DDX24: variants seen among roughly 807,000 people sequenced by gnomAD.
The protein encoded by DDX24 is DEAD-box helicase 24.
A neutral mutation model predicts 68.9 loss-of-function variants in DDX24; 24 were observed. The observed-to-expected ratio is 0.35, with a 90% CI of 0.25 to 0.49. DDX24 has a LOEUF of 0.49. DDX24 is among the 20% of genes least tolerant of loss of function. DDX24 has a pLI of 0.99. For synonymous variants in DDX24, 395 were observed against 385.2 expected (o/e 1.03, Z -0.30); for missense variants, 989 against 1,039.0 (o/e 0.95, Z 0.66).
chr14:94,058,236 C>T lies in DDX24; in HGVS notation c.1914-339G>A, dbSNP rs1885526623. The stretch of plus-strand genomic sequence containing the variant: ...CTCCTAGCACCCTCTCATTTACTTC[C>T]TCCCAGTGGCACACAGACTTCCTTG... On this transcript the variant is annotated intron_variant, in intron 5 of 8. Coordinates refer to ENST00000621632, the MANE Select transcript of DDX24 (RefSeq NM_020414.4). Among the ~76,000 whole-genome samples the T allele has an allele frequency of 3.9e-5, 6 of 152,178 alleles. No individual in the cohort carries two copies. The South Asian group carries it at 1.2e-3, about 32-fold the overall frequency.
Position 94,060,304 on chromosome 14 carries a change from A to G in DDX24, c.1707T>C (p.His569=), listed in dbSNP as rs776800005. 3.7e-6 allele frequency: 6 copies of G among 1,614,206 alleles called. No homozygotes were observed. Among genetic ancestry groups the G allele is most frequent in the South Asian group, 2.2e-5 (2 of 91,078 alleles). The change falls in exon 5 of 9, where the codon CAT becomes CAC. Residue 569 remains histidine (H), a synonymous_variant. Coordinates refer to ENST00000621632, the MANE Select transcript of DDX24 (RefSeq NM_020414.4). The part of the protein sequence containing the change: ...TVETLTETKI[H]CETDEKDFYL... ...AGAAGTCTTTCTCATCAGTCTCACA[A>G]TGGATCTTGGTCTCTGTTAGCGTCT...
At chr14:94,075,241 TG>T (rs1246779360) in intron 2 of DDX24, among the ~76,000 whole-genome samples, 2 of 152,152 alleles carry the variant, frequency 1.3e-5, no homozygotes, top group Non-Finnish European at 2.9e-5. Context: ...TCATACTACC[TG>T]ATTTTAAGAC....
Position 94,079,079 on chromosome 14 carries a change from T to G in DDX24, c.664A>C (p.Thr222Pro), listed in dbSNP as rs746232014. The G allele has an allele frequency of 6.2e-7, 1 of 1,614,028 alleles. No homozygotes were observed. Among genetic ancestry groups the G allele is most frequent in the Admixed American group, 1.7e-5 (1 of 59,996 alleles). The change falls in exon 2 of 9, where the codon ACC becomes CCC. Residue 222 changes from threonine to proline, a missense_variant. By Grantham distance (38) the Thr-to-Pro change is conservative. This residue lies in a region of DDX24 where 295 missense variants were observed against 263.0 expected (regional missense o/e 1.12). Transcript: ENST00000621632. ...FSAPTPIQAL[T>P]LAPAIRDKLD... The stretch of plus-strand genomic sequence containing the variant: ...TTGTCACGGATGGCAGGTGCCAAGG[T>G]CAGGGCTTGGATTGGTGTGGGTGCA...
Position 94,060,140 on chromosome 14 carries a change from T to A in DDX24, c.1871A>T (p.Lys624Met), listed in dbSNP as rs774901463. ...PLTLHACMHQ[K>M]QRLRNLEQFA... ...CTGCTCCAGGTTTCTGAGCCTCTGC[T>A]TCTGGTGCATACAGGCATGCAGGGT... The change falls in exon 5 of 9, where the codon AAG becomes ATG. Residue 624 changes from lysine to methionine, a missense_variant. Physicochemically the swap from Lys to Met is moderately conservative, Grantham distance 95. Transcript: ENST00000621632. 74 of 1,613,956 alleles carry A rather than the reference T, an allele frequency of 4.6e-5. No individual in the cohort carries two copies. Among genetic ancestry groups the A allele is most frequent in the Non-Finnish European group, 6.1e-5 (72 of 1,179,816 alleles).
chr14:94,075,788 C>A (rs1276705141), intron 2 of DDX24, among the ~76,000 whole-genome samples: 5 of 152,144 alleles, frequency 3.3e-5, no homozygotes, highest in Admixed American at 3.3e-4. Flanking sequence ...CTAGAATACA[C>A]AATGAACTCC....
At chr14:94,062,022 A>G (rs1036230180) in intron 3 of DDX24, 75 bp downstream of exon 3, 1 of 1,466,652 alleles carries the variant, frequency 6.8e-7, no homozygotes, top group African/African-American at 1.4e-5. Flanking sequence ...GGCAGGAGCC[A>G]CAGCTCATTC....
At chr14:94,052,736 C>T (rs1885410459) in intron 8 of DDX24, among the ~76,000 whole-genome samples, 1 of 152,140 alleles carries the variant, frequency 6.6e-6, no homozygotes, top group Admixed American at 6.5e-5. Context: ...GGCAGCCTGG[C>T]CAGAGAGCCT....
chr14:94,068,161 G>A (rs1422527182), intron 2 of DDX24, among the ~76,000 whole-genome samples: 3 of 152,110 alleles, frequency 2.0e-5, no homozygotes, highest in Non-Finnish European at 2.9e-5. Context: ...GTAAAGGGGT[G>A]GAAAAAGGCA....
At chr14:94,073,084 TTC>T (rs1348101175) in intron 2 of DDX24, among the ~76,000 whole-genome samples, 8 of 130,508 alleles carry the variant, frequency 6.1e-5, no homozygotes, top group African/African-American at 1.4e-4. Context: ...TAATTTTCTT[TTC>T]TTTTTTTTTT....
rs148489393 is a variant in DDX24, at chr14:94,079,258, C to A, written c.485G>T (p.Gly162Val). ...PKKKKNKGKK[G>V]LEPSQSTAAK... is the part of the protein sequence containing the mutation. ...AGCAGTGCTCTGAGAAGGCTCCAAC[C>A]CTTTTTTCCCTTTATTTTTCTTCTT... Residue 162 changes from glycine (G) to valine (V), a missense_variant, in exon 2 of 9, where the codon GGG (glycine) becomes GTG (valine). Gly to Val is a moderately radical substitution (Grantham distance 109). Coordinates refer to ENST00000621632, the MANE Select transcript of DDX24 (RefSeq NM_020414.4). 1.4e-5 allele frequency: 22 copies of A among 1,614,144 alleles called. No individual in the cohort carries two copies. Among genetic ancestry groups the A allele is most frequent in the Non-Finnish European group, 1.8e-5 (21 of 1,180,018 alleles).
chr14:94,051,196 T>C lies in DDX24; in HGVS notation c.2575A>G (p.Asn859Asp), dbSNP rs752092620. ...TCACTGACACACTTGACCAGTTAAT[T>C]TGCACTTGTACTTGGCTGTGGCTGT... ...PEQPQPSTSA[N>D] Residue 859 changes from asparagine (N) to aspartate (D), a missense_variant, in exon 9 of 9, where the codon AAT becomes GAT. By Grantham distance (23) the Asn-to-Asp change is conservative (BLOSUM62 1). Coordinates refer to ENST00000621632, the MANE Select transcript of DDX24 (RefSeq NM_020414.4). 13 of 1,540,540 alleles carry C rather than the reference T, an allele frequency of 8.4e-6. No individual in the cohort carries two copies. The South Asian group carries it at 1.6e-4, about 19-fold the overall frequency.
chr14:94,066,963 C>T (rs1394210219), intron 2 of DDX24, among the ~76,000 whole-genome samples: 1 of 152,116 alleles, frequency 6.6e-6, no homozygotes, highest in Non-Finnish European at 1.5e-5. Context: ...TACTAGTTCA[C>T]CAGCAATGGA....
Position 94,079,490 on chromosome 14 carries a change from C to T in DDX24, c.253G>A (p.Glu85Lys). ...KRKAQAVSEE[E>K]EEEEGKSSSP... The stretch of plus-strand genomic sequence containing the variant: ...CTAGACTTTCCCTCCTCCTCCTCCT[C>T]TTCTTCTGAAACAGCTTGTGCCTTT... Residue 85 changes from glutamate to lysine, a missense_variant, in exon 2 of 9, where the codon GAG becomes AAG. By Grantham distance (56) the Glu-to-Lys change is moderately conservative. Around this residue, in one of 3 missense-constraint regions of DDX24, gnomAD observed 295 missense variants for 263.0 expected, o/e 1.12. Coordinates refer to ENST00000621632, the MANE Select transcript of DDX24 (RefSeq NM_020414.4). 1.2e-6 allele frequency: 2 copies of T among 1,614,120 alleles called. No individual in the cohort carries two copies. Among genetic ancestry groups the T allele is most frequent in the Non-Finnish European group, 1.7e-6 (2 of 1,180,040 alleles).
chr14:94,071,634 A>T (rs939434266), intron 2 of DDX24, among the ~76,000 whole-genome samples: 1 of 146,016 alleles, frequency 6.8e-6, no homozygotes, highest in Non-Finnish European at 1.5e-5. Flanking sequence ...TGGGCAACAG[A>T]GTGAGCCTTT....
chr14:94,073,571 C>CAA (rs140376666), intron 2 of DDX24, among the ~76,000 whole-genome samples: 1 of 150,096 alleles, frequency 6.7e-6, no homozygotes, highest in African/African-American at 2.4e-5. Context: ...CATTTTAGAA[C>CAA]AAAAAAAAAT....
chr14:94,072,973 G>A (rs1885863052), intron 2 of DDX24, among the ~76,000 whole-genome samples: 1 of 131,656 alleles, frequency 7.6e-6, no homozygotes, highest in South Asian at 2.4e-4. Context: ...ACAGAAATGT[G>A]AAAAAAATAA....
At chr14:94,075,682 T>A (rs1885923861) in intron 2 of DDX24, among the ~76,000 whole-genome samples, 1 of 152,198 alleles carries the variant, frequency 6.6e-6, no homozygotes, top group South Asian at 2.1e-4. Flanking sequence ...AATAAAGACT[T>A]TCTGCTCTTT....
intron 2 of DDX24, among the ~76,000 whole-genome samples, chr14:94,070,231 A>G (rs1268114738): frequency 6.6e-6 from 1 of 152,172 alleles, no homozygotes; most frequent in Non-Finnish European, 1.5e-5. Flanking sequence ...GACCAAGTGG[A>G]GAATCAAATC....
rs745590708 is a variant in DDX24 at position 94,060,209 on chromosome 14, T to C, written c.1802A>G (p.Lys601Arg). 4 of 1,614,192 alleles carry C rather than the reference T, an allele frequency of 2.5e-6. No individual in the cohort carries two copies. Among genetic ancestry groups the C allele is most frequent in the African/African-American group, 1.3e-5 (1 of 75,048 alleles). ...LVFANSISCI[K>R]RLSGLLKVLD... Reference sequence around the variant, plus strand: ...GACTTTGAGGAGCCCAGAGAGGCGTTTGATGCAGGAGATACTGTTGGCAAA... The same window carrying C: ...GACTTTGAGGAGCCCAGAGAGGCGTCTGATGCAGGAGATACTGTTGGCAAA... The change falls in exon 5 of 9, where the codon AAA becomes AGA. Residue 601 changes from lysine (K) to arginine (R), a missense_variant. Physicochemically the swap from Lys to Arg is conservative, Grantham distance 26. Coordinates refer to ENST00000621632, the MANE Select transcript of DDX24 (RefSeq NM_020414.4).
Sources: allele counts gnomAD v4.1 joint callset (sites outside exome capture counted in the v4.1 genomes callset), GRCh38; gene constraint gnomAD v4.1.1; regional missense constraint gnomAD v4.1.1; transcripts MANE v1.5; gene names NCBI Gene and HGNC (gene_info 2026-07-23, HGNC 2026-07-21).